The following CAMK2G variants were observed in gnomAD, a reference collection of about 807,000 sequenced individuals.
CAMK2G encodes calcium/calmodulin dependent protein kinase II gamma.
Under a neutral mutation model 88.7 loss-of-function variants are expected in CAMK2G, and 23 were observed. That is an observed-to-expected ratio of 0.26 (90% CI 0.19 to 0.37). CAMK2G has a LOEUF of 0.37. Ranked by LOEUF, CAMK2G falls within the 10% of genes least tolerant of loss-of-function variation. The probability of loss-of-function intolerance (pLI) is 1.00; values close to 1 mark genes in which losing one functional copy is unlikely to be tolerated. For synonymous variants in CAMK2G, 263 were observed against 294.8 expected (o/e 0.89, Z 1.11); for missense variants, 476 against 780.8 (o/e 0.61, Z 4.65).
At position 73,835,545 on chromosome 10, in the gene CAMK2G, C is replaced by T. The variant is rs1312433888; in HGVS notation, c.1053+1923G>A. 2.6e-5 allele frequency among the ~76,000 whole-genome samples: 4 copies of T among 151,980 alleles called. No individual in the cohort carries two copies. In the East Asian group the frequency reaches 7.7e-4, roughly 29 times the overall value. On this transcript the variant is annotated intron_variant, in intron 14 of 22. Coordinates refer to ENST00000423381, the MANE Select transcript of CAMK2G (RefSeq NM_001367534.1). ...GACTCAAGCAATCTTCTTGCCTCAG[C>T]ATCCCAAAATGCTGGGATTACAGGA...
chr10:73,848,616 CA>C lies in CAMK2G; in HGVS notation c.518-8del. ...CCTGGGGTGCCAGCAAAACCTGTAG[CA>C]AAAGAGAGGGCAGAGGCATACTGAA... On this transcript the variant is annotated splice_region_variant and splice_polypyrimidine_tract_variant and intron_variant, in intron 7 of 22. Coordinates refer to ENST00000423381, the MANE Select transcript of CAMK2G (RefSeq NM_001367534.1). This position sits in a 1 kb window ranked among gnomAD's most constrained non-coding sequence, Gnocchi z 4.5. 1 of 1,583,908 alleles carries C rather than the reference CA, an allele frequency of 6.3e-7. No homozygotes were observed. The highest frequency in any genetic ancestry group is 1.7e-5 in the Admixed American group (1 of 58,812).
intron 14 of CAMK2G, among the ~76,000 whole-genome samples, chr10:73,836,514 G>A (rs986477977): frequency 2.0e-5 from 3 of 152,190 alleles, no homozygotes; most frequent in Non-Finnish European, 1.5e-5. Flanking sequence ...GAGGGTGTGC[G>A]CGGAGCCCAG....
chr10:73,850,401 C>T (rs1159912560), intron 5 of CAMK2G, among the ~76,000 whole-genome samples: 2 of 152,204 alleles, frequency 1.3e-5, no homozygotes, highest in Admixed American at 6.5e-5. Flanking sequence ...TGGTTTTCAA[C>T]TGGGAATGAA....
intron 2 of CAMK2G, among the ~76,000 whole-genome samples, chr10:73,864,386 A>C (rs2095504849): frequency 6.6e-6 from 1 of 152,106 alleles, no homozygotes; most frequent in Admixed American, 6.5e-5. Context: ...ACAGACAAAA[A>C]TCCCTGCCCT....
In CAMK2G at chr10:73,849,342, G is replaced by A. The variant is rs981273228; in HGVS notation, c.342-9C>T. 14 of 1,604,856 alleles carry A rather than the reference G, an allele frequency of 8.7e-6. No homozygotes were observed. Among genetic ancestry groups the A allele is most frequent in the Non-Finnish European group, 1.1e-5 (13 of 1,172,048 alleles). On this transcript the variant is annotated splice_polypyrimidine_tract_variant and intron_variant, in intron 5 of 22. Coordinates refer to ENST00000423381, the MANE Select transcript of CAMK2G (RefSeq NM_001367534.1). ...TCTGATGTATACAGTGGCTAAAAAA[G>A]CAGAAGGAAAAGAAATGTTAGCGCA... is the stretch of plus-strand genomic sequence containing the variant.
At chr10:73,871,701 GAAAGAA>G (rs1386827566) in intron 2 of CAMK2G, among the ~76,000 whole-genome samples, 8 of 151,958 alleles carry the variant, frequency 5.3e-5, no homozygotes, top group Admixed American at 5.2e-4. Flanking sequence ...TACCCAGAGA[GAAAGAA>G]AACAAACAAG....
intron 3 of CAMK2G, among the ~76,000 whole-genome samples, chr10:73,858,507 A>T (rs558170667): frequency 6.6e-6 from 1 of 152,230 alleles, no homozygotes; most frequent in South Asian, 2.1e-4. Context: ...CGGATGCTGG[A>T]GCTCCCAGGA....
At chr10:73,818,965 T>G in intron 19 of CAMK2G, 4 of 381,032 alleles carry the variant, frequency 1.0e-5, no homozygotes, top group Non-Finnish European at 2.1e-5. Context: ...CTGCCTTGTC[T>G]TTTATCTAAC....
intron 14 of CAMK2G, among the ~76,000 whole-genome samples, chr10:73,835,299 CT>C (rs112225816): frequency 0.017 from 2,383 of 143,248 alleles, 35 homozygotes; most frequent in African/African-American, 0.043. Context: ...CAGCAGGTAT[CT>C]TTTTTTTTTT....
At chr10:73,817,363 C>T in intron 20 of CAMK2G, 116 bp downstream of exon 20, 1 of 861,978 alleles carries the variant, frequency 1.2e-6, no homozygotes, top group Non-Finnish European at 1.9e-6. Context: ...GGGCTTAACT[C>T]AGATACTTTG....
chr10:73,846,882 C>T, intron 10 of CAMK2G: 1 of 240,288 alleles, frequency 4.2e-6, no homozygotes, highest in South Asian at 7.1e-5. Flanking sequence ...TGAGTATGAA[C>T]CCCAGCTTGG....
chr10:73,868,693 C>T (rs2095686379), intron 2 of CAMK2G, among the ~76,000 whole-genome samples: 1 of 152,138 alleles, frequency 6.6e-6, no homozygotes, highest in South Asian at 2.1e-4. Context: ...CTTCCCCCTC[C>T]CTTCTCTTTC....
At chr10:73,847,595 A>T (rs2094338582) in intron 9 of CAMK2G, among the ~76,000 whole-genome samples, 1 of 152,176 alleles carries the variant, frequency 6.6e-6, no homozygotes, top group African/African-American at 2.4e-5. Flanking sequence ...GGACTCCAAC[A>T]TTCTCTGGTT....
At chr10:73,829,674 C>T (rs1372448599) in intron 14 of CAMK2G, among the ~76,000 whole-genome samples, 4 of 118,842 alleles carry the variant, frequency 3.4e-5, no homozygotes, top group Non-Finnish European at 6.6e-5. Context: ...AAGGAGTTCC[C>T]TTATATTCAT....
chr10:73,858,254 A>G (rs1012304088), intron 3 of CAMK2G, among the ~76,000 whole-genome samples: 1 of 152,236 alleles, frequency 6.6e-6, no homozygotes, highest in African/African-American at 2.4e-5. Context: ...TCTTTGCTCT[A>G]GCTTCCTCGA....
Position 73,823,562 on chromosome 10 carries a change from C to G in CAMK2G, c.1200+478G>C, listed in dbSNP as rs371933485. Among the ~76,000 whole-genome samples, 3 of 152,158 alleles carry G rather than the reference C, an allele frequency of 2.0e-5. No individual in the cohort carries two copies. The East Asian group carries it at 5.8e-4, about 29-fold the overall frequency. On this transcript the variant is annotated intron_variant, in intron 17 of 22. Coordinates refer to ENST00000423381, the MANE Select transcript of CAMK2G (RefSeq NM_001367534.1). ...GGTTTTTTATCTGCCTCCCATCCCA[C>G]CCACCGTTTGAACAGATAATTTGTC...
At position 73,852,307 on chromosome 10, in the gene CAMK2G, C is replaced by T; in HGVS notation, c.288G>A (p.Gly96=). The change falls in exon 5 of 23, where the codon GGG becomes GGA. Residue 96 remains glycine, a synonymous_variant. Coordinates refer to ENST00000423381, the MANE Select transcript of CAMK2G (RefSeq NM_001367534.1). The part of the protein sequence containing the change: ...HYLVFDLVTG[G]ELFEDIVARE... ...TGGCCACAATGTCTTCAAACAGCTC[C>T]CCGCCGGTAACACTGCAACCAACGG... 9 of 1,614,064 alleles carry T rather than the reference C, an allele frequency of 5.6e-6. No individual in the cohort carries two copies. The highest frequency in any genetic ancestry group is 7.6e-6 in the Non-Finnish European group (9 of 1,179,974).
chr10:73,820,974 C>CT (rs1487537404), intron 18 of CAMK2G, among the ~76,000 whole-genome samples: 5 of 151,686 alleles, frequency 3.3e-5, no homozygotes, highest in African/African-American at 4.8e-5. Context: ...TACGCCCGGC[C>CT]TTTTTTTGTA....
chr10:73,847,004 G>C, intron 10 of CAMK2G: 1 of 529,604 alleles, frequency 1.9e-6, no homozygotes, highest in Non-Finnish European at 3.4e-6. Flanking sequence ...TGACAGCCAT[G>C]AGTGGGGGAG....
Sources: allele counts gnomAD v4.1 joint callset (sites outside exome capture counted in the v4.1 genomes callset), GRCh38; gene constraint gnomAD v4.1.1; non-coding constraint Gnocchi (gnomAD v3.1); transcripts MANE v1.5; gene names NCBI Gene and HGNC (gene_info 2026-07-23, HGNC 2026-07-21).